The following DST variants were observed in gnomAD, a reference collection of about 807,000 sequenced individuals.
DST encodes the protein dystonin.
DST carries 253 observed loss-of-function variants against 875.2 expected under a neutral mutation model. The observed-to-expected ratio is 0.29, with a 90% CI of 0.26 to 0.32. DST has a LOEUF of 0.32. DST is among the 10% of genes least tolerant of loss of function. The probability of loss-of-function intolerance (pLI) is 1.00; values close to 1 mark genes in which losing one functional copy is unlikely to be tolerated. For synonymous variants in DST, 3,124 were observed against 3,197.1 expected (o/e 0.98, Z 0.77); for missense variants, 8,287 against 9,111.6 (o/e 0.91, Z 3.68).
chr6:56,848,948 G>A (rs1275530535), intron 4 of DST, among the ~76,000 whole-genome samples: 2 of 139,032 alleles, frequency 1.4e-5, no homozygotes, highest in African/African-American at 3.0e-5. Context: ...GCTGAGGCAG[G>A]AGAAAACTTG....
At chr6:56,719,344 T>A (rs915377001) in intron 5 of DST, among the ~76,000 whole-genome samples, 3 of 152,180 alleles carry the variant, frequency 2.0e-5, no homozygotes, top group African/African-American at 4.8e-5. Context: ...AAGGAAAATC[T>A]GTCAGTGTCA....
chr6:56,735,900 T>A (rs2099521635), intron 4 of DST, among the ~76,000 whole-genome samples: 1 of 152,174 alleles, frequency 6.6e-6, no homozygotes, highest in African/African-American at 2.4e-5. Context: ...TCACCCAGGC[T>A]GGAGTGCAGT....
chr6:56,630,386 T>TA lies in DST; in HGVS notation c.4143-4dup. 6.2e-7 allele frequency: 1 copy of TA among 1,611,808 alleles called. No homozygotes were observed. The highest frequency in any genetic ancestry group is 8.5e-7 in the Non-Finnish European group (1 of 1,179,488). ...ACACCAAGTTAACAGTTTTCAACCT[T>TA]AAAAAGGAAATTAAACAATAGCCAC... On this transcript the variant is annotated splice_polypyrimidine_tract_variant and splice_region_variant and intron_variant, in intron 30 of 103. Coordinates refer to ENST00000680361, the MANE Select transcript of DST (RefSeq NM_001374736.1).
chr6:56,589,408 A>C (rs1296978751), intron 49 of DST, among the ~76,000 whole-genome samples: 1 of 152,214 alleles, frequency 6.6e-6, no homozygotes, highest in Non-Finnish European at 1.5e-5. Flanking sequence ...AAAACTGTTA[A>C]TTACAGTATT....
intron 92 of DST, 111 bp downstream of exon 92, chr6:56,476,038 T>C: frequency 2.0e-6 from 2 of 979,556 alleles, no homozygotes; most frequent in Non-Finnish European, 2.9e-6. Context: ...CTGAGGAGTC[T>C]GAAGAAGTGA....
At chr6:56,742,410 T>C (rs988829303) in intron 4 of DST, 2 of 1,234,306 alleles carry the variant, frequency 1.6e-6, no homozygotes, top group Middle Eastern at 4.3e-4. Context: ...AGAGTCCTGT[T>C]AACTTTCTAT....
chr6:56,538,235 T>C (rs1377863244), intron 61 of DST, among the ~76,000 whole-genome samples: 1 of 152,154 alleles, frequency 6.6e-6, no homozygotes, highest in African/African-American at 2.4e-5. Context: ...AGCAACCTTC[T>C]TACCTCAGCC....
At chr6:56,810,758 C>G (rs886731154) in intron 4 of DST, among the ~76,000 whole-genome samples, 3 of 151,622 alleles carry the variant, frequency 2.0e-5, no homozygotes, top group African/African-American at 7.3e-5. Flanking sequence ...TATCCTGACT[C>G]CAAATGTGTT....
chr6:56,482,856 T>C lies in DST; in HGVS notation c.21229A>G (p.Lys7077Glu). The C allele has an allele frequency of 6.4e-7, 1 of 1,560,192 alleles. No individual in the cohort carries two copies. Among genetic ancestry groups the C allele is most frequent in the Non-Finnish European group, 8.7e-7 (1 of 1,153,260 alleles). ...NHKAFQKELGKRTSSVQALKR... is the reference protein window; with the variant it reads ...NHKAFQKELGERTSSVQALKR... Reference sequence around the variant, plus strand: ...AGGGCCTGCACACTGCTGGTCCTCTTCCCCAACTCTTTTTGGAAGGCCTAA... The same window carrying C: ...AGGGCCTGCACACTGCTGGTCCTCTCCCCCAACTCTTTTTGGAAGGCCTAA... Residue 7077 changes from lysine to glutamate, a missense_variant, in exon 89 of 104, where the codon AAG becomes GAG. This residue lies in a region of DST where 1,292 missense variants were observed against 1,552.7 expected (regional missense o/e 0.83). Coordinates refer to ENST00000680361, the MANE Select transcript of DST (RefSeq NM_001374736.1).
Position 56,603,268 on chromosome 6 carries a change from A to G in DST, c.11094T>C (p.Ser3698=), listed in dbSNP as rs748103054. ...ISHQSLKTAF[S]SLSNVSSERT... is the part of the protein sequence containing the mutation. ...TTTCTGAAGACACGTTGCTGAGGGAAGAGAAGGCGGTCTTCAAACTCTGGT... is the reference window on the plus strand; with the variant it reads ...TTTCTGAAGACACGTTGCTGAGGGAGGAGAAGGCGGTCTTCAAACTCTGGT... Residue 3698 remains serine, a synonymous_variant, in exon 42 of 104, where the codon TCT becomes TCC. Transcript: ENST00000680361. The G allele has an allele frequency of 6.2e-7, 1 of 1,609,458 alleles. No homozygotes were observed. The highest frequency in any genetic ancestry group is 1.3e-5 in the African/African-American group (1 of 74,816).
chr6:56,934,529 T>C (rs1811817748), intron 2 of DST, among the ~76,000 whole-genome samples: 1 of 143,374 alleles, frequency 7.0e-6, no homozygotes, highest in African/African-American at 2.6e-5. Flanking sequence ...CACTTTTATA[T>C]ACATATAAAA....
At chr6:56,492,766 G>C (rs1239267492) in intron 84 of DST, among the ~76,000 whole-genome samples, 168 bp downstream of exon 84, 1 of 151,736 alleles carries the variant, frequency 6.6e-6, no homozygotes, top group Admixed American at 6.6e-5. Context: ...GCTACCTGTG[G>C]GGAGGCTGAG....
chr6:56,789,895 C>T (rs1366408018), intron 4 of DST, among the ~76,000 whole-genome samples: 1 of 152,202 alleles, frequency 6.6e-6, no homozygotes, highest in Non-Finnish European at 1.5e-5. Flanking sequence ...GTAAATAACG[C>T]TGCTATGTAC....
At chr6:56,891,977 T>C (rs1176563461) in intron 3 of DST, among the ~76,000 whole-genome samples, 1 of 152,190 alleles carries the variant, frequency 6.6e-6, no homozygotes, top group East Asian at 1.9e-4. Flanking sequence ...CATCAGCAGA[T>C]GTCAGCAGAA....
intron 9 of DST, chr6:56,693,398 A>G: frequency 9.0e-7 from 1 of 1,112,586 alleles, no homozygotes; most frequent in Non-Finnish European, 1.1e-6. Flanking sequence ...CAATCCTCTT[A>G]GACAAACATT....
intron 94 of DST, 23 bp from the exon 95 acceptor site, chr6:56,471,291 G>T: frequency 6.4e-7 from 1 of 1,551,054 alleles, no homozygotes; most frequent in South Asian, 1.2e-5. Context: ...AAAGTATTTT[G>T]ATTGAGTTAA....
intron 9 of DST, among the ~76,000 whole-genome samples, chr6:56,677,361 G>GGCTGAAGT (rs145093461): frequency 0.05 from 7,592 of 152,094 alleles, 294 homozygotes; most frequent in Non-Finnish European, 0.078. Flanking sequence ...TCTGTTGCTA[G>GGCTGAAGT]GCTGAAGTGC....
At position 56,593,516 on chromosome 6, in the gene DST, C is replaced by CAAAAAAAAAAAAAAA. The variant is rs58251502; in HGVS notation, c.12726+132_12726+146dup. 3.5e-4 allele frequency: 113 copies of CAAAAAAAAAAAAAAA among 319,284 alleles called. 3 individuals are homozygous for CAAAAAAAAAAAAAAA. Among genetic ancestry groups the CAAAAAAAAAAAAAAA allele is most frequent in the African/African-American group, 3.1e-3 (80 of 25,764 alleles). 19.8% of individuals were successfully genotyped at this position (319,284 alleles called of 1,614,324 possible). Reference sequence around the variant, plus strand: ...TGGGCGACAGAGTGAGACTCCTTCTCAAAAAAAAAAAAAAAAATAGAAGTA... The same window carrying CAAAAAAAAAAAAAAA: ...TGGGCGACAGAGTGAGACTCCTTCTCAAAAAAAAAAAAAAAAAAAAAAAAAAAAAAAATAGAAGTA... On this transcript the variant is annotated intron_variant, in intron 48 of 103. Transcript: ENST00000680361.
chr6:56,636,422 ATGTGTATATATATATG>A (rs1271172685), intron 23 of DST, 119 bp downstream of exon 23: 12 of 687,444 alleles, frequency 1.7e-5, no homozygotes, highest in African/African-American at 1.6e-4. Context: ...ACACACATAT[ATGTGTATATATATATG>A]TGTGTATATA....
Sources: allele counts gnomAD v4.1 joint callset (sites outside exome capture counted in the v4.1 genomes callset), GRCh38; gene constraint gnomAD v4.1.1; regional missense constraint gnomAD v4.1.1; transcripts MANE v1.5; gene names NCBI Gene and HGNC (gene_info 2026-07-23, HGNC 2026-07-21).